Variants in KCMF1 observed in about 807,000 individuals in gnomAD.
KCMF1 encodes potassium channel modulatory factor 1, also known as E3 ubiquitin-protein ligase KCMF1.
A neutral mutation model predicts 41.1 loss-of-function variants in KCMF1; 3 were observed. The ratio of observed to expected loss-of-function variants is 0.07; its 90% CI spans 0.03 to 0.19. The LOEUF (loss-of-function observed/expected upper bound fraction) is 0.19. KCMF1 is among the 10% of genes least tolerant of loss of function. KCMF1 has a pLI of 1.00. For synonymous variants in KCMF1, 142 were observed against 164.5 expected (o/e 0.86, Z 1.04); for missense variants, 286 against 488.9 (o/e 0.58, Z 3.91).
intron 6 of KCMF1, among the ~76,000 whole-genome samples, chr2:85,050,065 G>A (rs1480387693): frequency 1.3e-5 from 2 of 152,176 alleles, no homozygotes; most frequent in East Asian, 1.9e-4. Context: ...TGGGAGGATC[G>A]CTTGAGCCCT....
chr2:85,017,968 T>A (rs1674824130), intron 1 of KCMF1, among the ~76,000 whole-genome samples: 1 of 152,198 alleles, frequency 6.6e-6, no homozygotes, highest in South Asian at 2.1e-4. Context: ...TTCATTTGTT[T>A]TACAGAACTG....
chr2:85,007,310 T>C (rs975036408), intron 1 of KCMF1, among the ~76,000 whole-genome samples: 2 of 152,202 alleles, frequency 1.3e-5, no homozygotes, highest in South Asian at 2.1e-4. Flanking sequence ...GTTTGCACTA[T>C]TAGGTGGAAG....
intron 2 of KCMF1, among the ~76,000 whole-genome samples, chr2:85,030,060 C>T (rs1474337902): frequency 6.6e-6 from 1 of 151,988 alleles, no homozygotes. Flanking sequence ...AAAGTAGTAT[C>T]TCAGGTGGTT....
intron 3 of KCMF1, among the ~76,000 whole-genome samples, chr2:85,041,127 C>T (rs576367829): frequency 6.6e-6 from 1 of 152,240 alleles, no homozygotes; most frequent in Non-Finnish European, 1.5e-5. Flanking sequence ...ATTTCTTATC[C>T]TCAGTAATTC....
chr2:85,009,842 A>G (rs1176492021), intron 1 of KCMF1, among the ~76,000 whole-genome samples: 2 of 152,326 alleles, frequency 1.3e-5, no homozygotes, highest in East Asian at 1.9e-4. Context: ...TGAAGAAGCA[A>G]CTTAGAAATT....
intron 1 of KCMF1, among the ~76,000 whole-genome samples, chr2:84,978,006 C>CTTTTTTTTTTT (rs79184611): frequency 1.4e-5 from 2 of 145,844 alleles, no homozygotes. Context: ...TAGCAGCAAT[C>CTTTTTTTTTTT]TTTTTTTTTT....
chr2:85,040,717 A>G (rs184698708), intron 3 of KCMF1, among the ~76,000 whole-genome samples: 16 of 151,956 alleles, frequency 1.1e-4, no homozygotes, highest in Admixed American at 2.0e-4. Flanking sequence ...AAGTGTGGCA[A>G]CATCTTCCAC....
chr2:85,017,012 C>G (rs1201608465), intron 1 of KCMF1, among the ~76,000 whole-genome samples: 1 of 99,526 alleles, frequency 1.0e-5, no homozygotes, highest in East Asian at 3.0e-4. Context: ...AGATCCTCTT[C>G]TTTTTTTTTT....
intron 1 of KCMF1, among the ~76,000 whole-genome samples, chr2:84,972,752 T>A: frequency 6.6e-6 from 1 of 152,246 alleles, no homozygotes; most frequent in East Asian, 1.9e-4. Flanking sequence ...AAATTCGCAT[T>A]ACTAATTGCG....
At chr2:85,020,325 A>G (rs1254608229) in intron 1 of KCMF1, among the ~76,000 whole-genome samples, 2 of 152,182 alleles carry the variant, frequency 1.3e-5, no homozygotes, top group Non-Finnish European at 2.9e-5. Flanking sequence ...TTATACTATC[A>G]TGTTAAACTT....
At chr2:85,001,737 G>A (rs1207694217) in intron 1 of KCMF1, among the ~76,000 whole-genome samples, 1 of 152,088 alleles carries the variant, frequency 6.6e-6, no homozygotes. Flanking sequence ...ATTTTACTGA[G>A]TTACAACCTG....
At chr2:85,009,847 GA>G (rs1454665883) in intron 1 of KCMF1, among the ~76,000 whole-genome samples, 1 of 152,174 alleles carries the variant, frequency 6.6e-6, no homozygotes, top group African/African-American at 2.4e-5. Context: ...AAGCAACTTA[GA>G]AATTTAACTG....
chr2:84,992,775 G>A (rs1028770337), intron 1 of KCMF1, among the ~76,000 whole-genome samples: 1 of 151,916 alleles, frequency 6.6e-6, no homozygotes, highest in Admixed American at 6.6e-5. Flanking sequence ...GACTACAGGC[G>A]CCCACCACCA....
chr2:85,042,488 C>A (rs116498876), intron 3 of KCMF1, among the ~76,000 whole-genome samples: 1,617 of 152,230 alleles, frequency 0.011, 29 homozygotes, highest in African/African-American at 0.037. Flanking sequence ...TAGATTTTGC[C>A]TAAGTGAAAG....
chr2:85,006,290 A>AT (rs1674468969), intron 1 of KCMF1, among the ~76,000 whole-genome samples: 1 of 113,396 alleles, frequency 8.8e-6, no homozygotes, highest in African/African-American at 3.4e-5. Context: ...AAATATTCTC[A>AT]TTTTCTTTTT....
In KCMF1 at chr2:84,971,422, AG is replaced by A. The variant is rs1443259480; in HGVS notation, c.-26del. ...GGGGACACTGCAGCCGGAGCCCGGG[AG>A]GGGCCGCGCCGCCACCGTCTGAACT... On this transcript the variant is annotated 5_prime_UTR_variant, in exon 1 of 7. Transcript: ENST00000409785. The A allele has an allele frequency of 3.3e-6, 4 of 1,200,066 alleles. No homozygotes were observed. Among genetic ancestry groups the A allele is most frequent in the Non-Finnish European group, 3.2e-6 (3 of 950,912 alleles). The allele number at this position is 1,200,066 out of a possible 1,614,324, so 74.3% of individuals were successfully genotyped here.
intron 3 of KCMF1, 111 bp downstream of exon 3, chr2:85,035,266 G>A (rs185520308): frequency 1.7e-4 from 159 of 918,632 alleles, no homozygotes; most frequent in Admixed American, 5.7e-4. Context: ...TAATGATACC[G>A]TTTGCATAGT....
At position 84,971,493 on chromosome 2, in the gene KCMF1, G is replaced by C. The variant is rs552044062; in HGVS notation, c.16+26G>C. The C allele has an allele frequency of 5.4e-4, 653 of 1,206,230 alleles. 6 individuals carry two copies. In the African/African-American group the frequency reaches 0.01, roughly 19 times the overall value. 74.7% of individuals were successfully genotyped at this position (1,206,230 alleles called of 1,614,324 possible). ...GTGAGAGGAGCCCCCGCCCCCACCCGCACCTCCCGGGCCTCGGCCTACCCC... is the reference window on the plus strand; with the variant it reads ...GTGAGAGGAGCCCCCGCCCCCACCCCCACCTCCCGGGCCTCGGCCTACCCC... On this transcript the variant is annotated intron_variant, in intron 1 of 6. Coordinates refer to ENST00000409785, the MANE Select transcript of KCMF1 (RefSeq NM_020122.5).
intron 1 of KCMF1, chr2:84,971,905 G>A (rs1673406518): frequency 6.6e-6 from 1 of 152,014 alleles, no homozygotes; most frequent in Non-Finnish European, 1.5e-5. Flanking sequence ...GCGGCAGCAG[G>A]AGGCAAAAGA....
Sources: gnomAD v4.1 joint callset for allele counts (sites outside exome capture counted in the v4.1 genomes callset) on GRCh38, gnomAD v4.1.1 for gene constraint, MANE v1.5 for transcripts, NCBI Gene and HGNC (gene_info 2026-07-23, HGNC 2026-07-21) for gene names.